Variants in CDC40 observed in about 807,000 individuals in gnomAD.
CDC40 encodes the protein cell division cycle 40.
Under a neutral mutation model 80.6 loss-of-function variants are expected in CDC40, and 27 were observed. That is an observed-to-expected ratio of 0.33 (90% CI 0.25 to 0.46). The LOEUF is 0.46. Ranked by LOEUF, CDC40 falls within the 20% of genes least tolerant of loss-of-function variation. CDC40 has a pLI of 1.00. For missense variants in CDC40, 486 were observed against 694.1 expected, an observed-to-expected ratio of 0.70 and a Z score of 3.37; for synonymous variants, 221 against 232.6, an observed-to-expected ratio of 0.95 and a Z score of 0.45.
At chr6:110,210,552 G>GAAAAAAAAAAAAA (rs57785109) in intron 5 of CDC40, among the ~76,000 whole-genome samples, 155 bp from the exon 6 acceptor site, 2 of 64,468 alleles carry the variant, frequency 3.1e-5, no homozygotes, top group Non-Finnish European at 3.5e-5. Flanking sequence ...ACTCATCTCA[G>GAAAAAAAAAAAAA]AAAAAAAAAA....
At chr6:110,199,116 C>T (rs1304664906) in intron 2 of CDC40, 2 of 152,130 alleles carry the variant, frequency 1.3e-5, no homozygotes, top group South Asian at 2.1e-4. Context: ...TTTGTTGCCT[C>T]AGCTTAAATC....
chr6:110,200,413 C>T (rs1347382000), intron 2 of CDC40, among the ~76,000 whole-genome samples: 1 of 152,026 alleles, frequency 6.6e-6, no homozygotes, highest in Non-Finnish European at 1.5e-5. Context: ...GTTCTAATGT[C>T]AAAATAATTC....
intron 1 of CDC40, among the ~76,000 whole-genome samples, chr6:110,190,726 C>T (rs1399098254): frequency 2.6e-5 from 4 of 152,000 alleles, no homozygotes; most frequent in Non-Finnish European, 4.4e-5. Context: ...TCAGGGGGAC[C>T]GAGCTAGGGG....
chr6:110,203,492 A>T (rs973744586), intron 3 of CDC40, among the ~76,000 whole-genome samples: 2 of 152,240 alleles, frequency 1.3e-5, no homozygotes, highest in African/African-American at 4.8e-5. Flanking sequence ...ACAGACATAC[A>T]GGAGGTGACA....
intron 10 of CDC40, among the ~76,000 whole-genome samples, chr6:110,219,050 T>C (rs1057041637): frequency 6.6e-6 from 1 of 152,184 alleles, no homozygotes; most frequent in Non-Finnish European, 1.5e-5. Context: ...TGTTTCTAGC[T>C]CCAGCATAAT....
intron 2 of CDC40, among the ~76,000 whole-genome samples, chr6:110,200,603 T>A (rs75170927): frequency 3.0e-4 from 45 of 152,134 alleles, no homozygotes; most frequent in Non-Finnish European, 5.7e-4. Flanking sequence ...TTCTGGTAAT[T>A]TTTTACTCAA....
chr6:110,220,772 C>T (rs1777766237), intron 12 of CDC40, among the ~76,000 whole-genome samples: 1 of 152,084 alleles, frequency 6.6e-6, no homozygotes. Flanking sequence ...ATGGCGGCAG[C>T]AAGAGAGGGA....
chr6:110,222,245 A>G (rs182516627), intron 12 of CDC40, among the ~76,000 whole-genome samples: 23 of 151,820 alleles, frequency 1.5e-4, no homozygotes, highest in East Asian at 9.7e-4. Context: ...ACAGAGCAAG[A>G]CCCCATCTTA....
rs1777297076 is a variant in CDC40, at chr6:110,187,971, T to C, written c.190-5211T>C. Among the ~76,000 whole-genome samples the C allele has an allele frequency of 2.6e-5, 4 of 152,218 alleles. No homozygotes were observed. In the South Asian group the frequency reaches 8.3e-4, roughly 31 times the overall value. On this transcript the variant is annotated intron_variant, in intron 1 of 14. Coordinates refer to ENST00000307731, the MANE Select transcript of CDC40 (RefSeq NM_015891.3). ...TTGTGGTATTGTCCAAGTTTTCTAA[T>C]TAAATTTCTGTAAAATAACAGCCCT...
chr6:110,199,260 A>G (rs1306296237), intron 2 of CDC40, among the ~76,000 whole-genome samples: 1 of 152,204 alleles, frequency 6.6e-6, no homozygotes, highest in African/African-American at 2.4e-5. Flanking sequence ...CTTTGTATAG[A>G]AATCACAGTT....
chr6:110,223,607 T>A (rs1584083871), intron 12 of CDC40, among the ~76,000 whole-genome samples: 1 of 152,198 alleles, frequency 6.6e-6, no homozygotes, highest in East Asian at 1.9e-4. Context: ...GCTGACCTCC[T>A]CTATGGGAAA....
At chr6:110,188,376 G>A (rs1231524034) in intron 1 of CDC40, among the ~76,000 whole-genome samples, 1 of 152,156 alleles carries the variant, frequency 6.6e-6, no homozygotes, top group East Asian at 1.9e-4. Flanking sequence ...CAATTTGTAT[G>A]TAACCTGTTA....
At chr6:110,219,203 T>G (rs890314205) in intron 10 of CDC40, among the ~76,000 whole-genome samples, 161 bp from the exon 11 acceptor site, 1 of 152,138 alleles carries the variant, frequency 6.6e-6, no homozygotes, top group Admixed American at 6.6e-5. Context: ...TTTTAATCAT[T>G]AAAAATCTGT....
In CDC40 at chr6:110,232,151, AAAGT is replaced by A. The variant is rs1257106984; in HGVS notation, c.*2025_*2028del. On this transcript the variant is annotated 3_prime_UTR_variant, in exon 15 of 15. Transcript: ENST00000307731. ...TTCTGTTGTGTTTTTGACTGTTTCT[AAAGT>A]AAGTGTGTATAAAAGTCTCCTTTTT... 1.3e-5 allele frequency: 2 copies of A among 152,482 alleles called. No homozygotes were observed. Among genetic ancestry groups the A allele is most frequent in the South Asian group, 2.1e-4 (1 of 4,826 alleles). The allele number at this position is 152,482 out of a possible 1,614,324, so 9.4% of individuals were successfully genotyped here. A position where few individuals can be genotyped will look rare whatever the true frequency, so the allele number is the denominator to read the frequency against.
intron 12 of CDC40, among the ~76,000 whole-genome samples, chr6:110,225,933 C>T (rs1777852272): frequency 6.6e-6 from 1 of 152,104 alleles, no homozygotes; most frequent in Admixed American, 6.5e-5. Flanking sequence ...AAAACAAAAT[C>T]ACCACCACTG....
At chr6:110,227,460 T>C (rs2114674931) in intron 13 of CDC40, among the ~76,000 whole-genome samples, 1 of 152,334 alleles carries the variant, frequency 6.6e-6, no homozygotes, top group South Asian at 2.1e-4. Flanking sequence ...GATTATATAC[T>C]TCGTCACTGT....
At chr6:110,197,328 G>A (rs978007180) in intron 2 of CDC40, among the ~76,000 whole-genome samples, 8 of 152,112 alleles carry the variant, frequency 5.3e-5, no homozygotes, top group Non-Finnish European at 4.4e-5. Flanking sequence ...AACAAAAATT[G>A]TATATATTTA....
At chr6:110,202,108 G>A (rs913173326) in intron 3 of CDC40, among the ~76,000 whole-genome samples, 4 of 152,110 alleles carry the variant, frequency 2.6e-5, no homozygotes, top group Non-Finnish European at 4.4e-5. Context: ...GCTTTCTCTT[G>A]ATCACTGAAG....
chr6:110,204,024 A>G (rs932665223), intron 3 of CDC40, among the ~76,000 whole-genome samples: 1 of 151,772 alleles, frequency 6.6e-6, no homozygotes, highest in African/African-American at 2.4e-5. Flanking sequence ...TTTTTATTTT[A>G]TTTTTTTTGA....
Sources: allele counts gnomAD v4.1 joint callset (sites outside exome capture counted in the v4.1 genomes callset), GRCh38; gene constraint gnomAD v4.1.1; transcripts MANE v1.5; gene names NCBI Gene and HGNC (gene_info 2026-07-23, HGNC 2026-07-21).